The following ADAM12 variants were observed in gnomAD, a reference collection of about 807,000 sequenced individuals.
ADAM12 encodes the protein disintegrin and metalloproteinase domain-containing protein 12.
ADAM12 carries 70 observed loss-of-function variants against 106.4 expected under a neutral mutation model. The observed-to-expected ratio is 0.66, with a 90% CI of 0.54 to 0.80. ADAM12 has a LOEUF of 0.80. Among genes scored for constraint, ADAM12 ranks in the 30% least tolerant of loss-of-function variants. ADAM12 has a pLI of 0.00. For missense variants in ADAM12, 1,010 were observed against 1,171.9 expected, an observed-to-expected ratio of 0.86 and a Z score of 2.02; for synonymous variants, 420 against 433.5, an observed-to-expected ratio of 0.97 and a Z score of 0.39.
At position 126,388,189 on chromosome 10, in the gene ADAM12, G is replaced by T; in HGVS notation, c.-44C>A. The T allele has an allele frequency of 8.3e-7, 1 of 1,201,266 alleles. No homozygotes were observed. Among genetic ancestry groups the T allele is most frequent in the Non-Finnish European group, 1.0e-6 (1 of 968,152 alleles). 74.4% of individuals were successfully genotyped at this position (1,201,266 alleles called of 1,614,324 possible). The stretch of plus-strand genomic sequence containing the variant: ...CAGCAGCTCTCGGGCCCGGCGGCGA[G>T]CGCTGCACCATCCCACGCGGGCGCC... On this transcript the variant is annotated 5_prime_UTR_variant, in exon 1 of 23. Transcript: ENST00000448723. This position sits in a 1 kb window ranked among gnomAD's most constrained non-coding sequence, Gnocchi z 4.4.
intron 3 of ADAM12, among the ~76,000 whole-genome samples, chr10:126,211,697 G>T (rs1957904131): frequency 6.6e-6 from 1 of 152,126 alleles, no homozygotes; most frequent in Non-Finnish European, 1.5e-5. Context: ...CCTGCCAATA[G>T]TTATCTCTGC....
chr10:126,145,531 G>A (rs1163458584), intron 4 of ADAM12: 1 of 152,646 alleles, frequency 6.6e-6, no homozygotes, highest in African/African-American at 2.4e-5. Flanking sequence ...ATCCTGCTTA[G>A]CTTCCAAGAT....
chr10:126,197,143 G>C (rs1349314430), intron 3 of ADAM12, among the ~76,000 whole-genome samples: 1 of 152,214 alleles, frequency 6.6e-6, no homozygotes, highest in Non-Finnish European at 1.5e-5. Context: ...GGGTGGTGTG[G>C]AAGACATGGC....
chr10:126,273,593 C>A (rs1959192539), intron 3 of ADAM12, among the ~76,000 whole-genome samples: 1 of 152,038 alleles, frequency 6.6e-6, no homozygotes, highest in Non-Finnish European at 1.5e-5. Flanking sequence ...AGGTAAGAAC[C>A]CTACAGCAGC....
chr10:126,106,483 CTTCTTTTT>C (rs1955770726), intron 8 of ADAM12, among the ~76,000 whole-genome samples: 1 of 142,460 alleles, frequency 7.0e-6, no homozygotes. Context: ...TTTTCTTCTT[CTTCTTTTT>C]TTTTTTTTTT....
intron 3 of ADAM12, among the ~76,000 whole-genome samples, chr10:126,266,588 A>G (rs1358190170): frequency 6.6e-6 from 1 of 152,198 alleles, no homozygotes; most frequent in African/African-American, 2.4e-5. Context: ...TCCCTTATGT[A>G]TTAGTCCGTT....
At chr10:126,019,002 T>G (rs933225336) in intron 22 of ADAM12, among the ~76,000 whole-genome samples, 1 of 152,202 alleles carries the variant, frequency 6.6e-6, no homozygotes, top group African/African-American at 2.4e-5. Flanking sequence ...CAGTCTCATA[T>G]CAAATTGTAA....
intron 14 of ADAM12, among the ~76,000 whole-genome samples, chr10:126,061,407 C>G (rs10901529): frequency 0.074 from 11,247 of 152,186 alleles, 855 homozygotes; most frequent in East Asian, 0.37. Context: ...CAGAAGGTCC[C>G]TTGCTAGTAA....
At chr10:126,097,015 C>G (rs1477569104) in intron 10 of ADAM12, among the ~76,000 whole-genome samples, 1 of 152,084 alleles carries the variant, frequency 6.6e-6, no homozygotes, top group Non-Finnish European at 1.5e-5. Context: ...CTGAAGAAAG[C>G]CGCTTACTCT....
At chr10:126,299,646 GC>G (rs1457290703) in intron 2 of ADAM12, among the ~76,000 whole-genome samples, 2 of 151,970 alleles carry the variant, frequency 1.3e-5, no homozygotes, top group Non-Finnish European at 2.9e-5. Flanking sequence ...TTACCATTCA[GC>G]TTTTTTTTTT....
At chr10:126,056,334 G>T (rs943848693) in intron 14 of ADAM12, among the ~76,000 whole-genome samples, 1 of 152,194 alleles carries the variant, frequency 6.6e-6, no homozygotes, top group Non-Finnish European at 1.5e-5. Context: ...TGCAGGAGAG[G>T]CAGGCTATGA....
chr10:126,314,330 G>C (rs937819642), intron 2 of ADAM12, among the ~76,000 whole-genome samples: 1 of 152,184 alleles, frequency 6.6e-6, no homozygotes, highest in Non-Finnish European at 1.5e-5. Flanking sequence ...ACCAGCTGGG[G>C]ATGCTGTGGG....
intron 16 of ADAM12, among the ~76,000 whole-genome samples, chr10:126,046,486 AT>A (rs1003391999): frequency 2.0e-5 from 3 of 151,932 alleles, no homozygotes; most frequent in African/African-American, 7.3e-5. Flanking sequence ...GTACTGCAGT[AT>A]TTTTTTCTTC....
At chr10:126,120,740 A>G (rs909388942) in intron 5 of ADAM12, among the ~76,000 whole-genome samples, 3 of 151,532 alleles carry the variant, frequency 2.0e-5, no homozygotes, top group South Asian at 4.1e-4. Context: ...TCAAAGATCC[A>G]TATTTTGGGG....
At position 126,269,173 on chromosome 10, in the gene ADAM12, G is replaced by A. The variant is rs142050348; in HGVS notation, c.260+9742C>T. On this transcript the variant is annotated intron_variant, in intron 3 of 22. Transcript: ENST00000448723. ...GAGGGTAGCAGTGAGGATGACTAGG[G>A]GTCACTCTCGTGACCATTTTAGTTT... 7.7e-3 allele frequency among the ~76,000 whole-genome samples: 1,171 copies of A among 152,144 alleles called. 18 individuals are homozygous for A. Among genetic ancestry groups the A allele is most frequent in the African/African-American group, 0.027 (1,119 of 41,494 alleles).
At chr10:126,325,943 C>A (rs1854285864) in intron 2 of ADAM12, among the ~76,000 whole-genome samples, 1 of 152,194 alleles carries the variant, frequency 6.6e-6, no homozygotes, top group Non-Finnish European at 1.5e-5. Context: ...CAAAAAAGTG[C>A]AAGCTCTCCA....
At chr10:126,036,936 G>A (rs912342154) in intron 20 of ADAM12, among the ~76,000 whole-genome samples, 4 of 151,916 alleles carry the variant, frequency 2.6e-5, no homozygotes, top group African/African-American at 9.7e-5. Flanking sequence ...GTCATTTTTT[G>A]ACGTGTTTAC....
At chr10:126,131,607 C>T (rs1045329284) in intron 5 of ADAM12, among the ~76,000 whole-genome samples, 2 of 152,156 alleles carry the variant, frequency 1.3e-5, no homozygotes, top group Admixed American at 6.5e-5. Flanking sequence ...AGCTTCCTCC[C>T]TCTGTACACG....
At chr10:126,027,826 C>A (rs1953903408) in intron 21 of ADAM12, among the ~76,000 whole-genome samples, 1 of 152,124 alleles carries the variant, frequency 6.6e-6, no homozygotes, top group African/African-American at 2.4e-5. Context: ...CACTCCTAGT[C>A]AACATAGTAT....
Sources: gnomAD v4.1 joint callset for allele counts (sites outside exome capture counted in the v4.1 genomes callset) on GRCh38, gnomAD v4.1.1 for gene constraint, Gnocchi (gnomAD v3.1) non-coding constraint, MANE v1.5 for transcripts, NCBI Gene and HGNC (gene_info 2026-07-23, HGNC 2026-07-21) for gene names.